Variants in CLINT1 observed in about 807,000 individuals in gnomAD.
CLINT1 encodes clathrin interacting protein localized in the trans-Golgi region.
Under a neutral mutation model 70.4 loss-of-function variants are expected in CLINT1, and 15 were observed. The ratio of observed to expected loss-of-function variants is 0.21; its 90% CI spans 0.14 to 0.33. The LOEUF is 0.33. Among genes scored for constraint, CLINT1 ranks in the 10% least tolerant of loss-of-function variants. The pLI is 1.00. For missense variants in CLINT1, 615 were observed against 778.1 expected, an observed-to-expected ratio of 0.79 and a Z score of 2.49; for synonymous variants, 227 against 254.7, an observed-to-expected ratio of 0.89 and a Z score of 1.04.
chr5:157,858,912 C>A lies in CLINT1; in HGVS notation c.41+18G>T, dbSNP rs768028285. ...TCCCCCACGTGGGCCTCGGCCACAA[C>A]TGCCCCCCGATACTCACGCTTTGTC... is the stretch of plus-strand genomic sequence containing the variant. On this transcript the variant is annotated intron_variant, in intron 1 of 11. Coordinates refer to ENST00000411809, the MANE Select transcript of CLINT1 (RefSeq NM_014666.4). The A allele has an allele frequency of 6.6e-6, 10 of 1,513,186 alleles. No homozygotes were observed. Among genetic ancestry groups the A allele is most frequent in the South Asian group, 1.2e-5 (1 of 82,562 alleles). 93.7% of individuals were successfully genotyped at this position (1,513,186 alleles called of 1,614,324 possible). A position where few individuals can be genotyped will look rare whatever the true frequency, so the allele number is the denominator to read the frequency against.
intron 1 of CLINT1, among the ~76,000 whole-genome samples, chr5:157,848,860 C>T (rs964565946): frequency 1.4e-4 from 22 of 151,920 alleles, no homozygotes; most frequent in African/African-American, 4.3e-4. Context: ...CGGGGTTTCA[C>T]CACGTTGGCC....
chr5:157,838,262 G>A (rs1404149556), intron 1 of CLINT1, among the ~76,000 whole-genome samples: 1 of 151,170 alleles, frequency 6.6e-6, no homozygotes, highest in Non-Finnish European at 1.5e-5. Flanking sequence ...AGCTGGGATT[G>A]CAGGCACCTG....
intron 1 of CLINT1, among the ~76,000 whole-genome samples, chr5:157,838,711 T>C (rs1004544994): frequency 3.3e-5 from 5 of 152,222 alleles, no homozygotes; most frequent in African/African-American, 1.2e-4. Flanking sequence ...GAACTATGAA[T>C]TACAGGTGAA....
rs765337369 is a variant in CLINT1, at chr5:157,813,246, ATAAGCAAAACC to A, written c.353-30_353-20del. On this transcript the variant is annotated intron_variant, in intron 4 of 11. Coordinates refer to ENST00000411809, the MANE Select transcript of CLINT1 (RefSeq NM_014666.4). ...TGCTCATCTATGAGGATGGTAAGAG[ATAAGCAAAACC>A]TAAGAATTCACTTAATATGTATCAA... 3 of 1,595,932 alleles carry A rather than the reference ATAAGCAAAACC, an allele frequency of 1.9e-6. No homozygotes were observed. The highest frequency in any genetic ancestry group is 2.6e-6 in the Non-Finnish European group (3 of 1,171,896).
chr5:157,836,153 T>C (rs917352408), intron 1 of CLINT1, among the ~76,000 whole-genome samples: 90 of 152,226 alleles, frequency 5.9e-4, no homozygotes, highest in African/African-American at 2.1e-3. Flanking sequence ...TCTTCCACAA[T>C]ACAGCCATAT....
chr5:157,824,833 A>G (rs254675), intron 1 of CLINT1, among the ~76,000 whole-genome samples: 61,391 of 152,002 alleles, frequency 0.4, 12,934 homozygotes, highest in East Asian at 0.61. Context: ...ATTATGTCAC[A>G]CTGTACTAAA....
intron 1 of CLINT1, among the ~76,000 whole-genome samples, chr5:157,855,785 A>G (rs1254385241): frequency 2.0e-5 from 3 of 152,100 alleles, no homozygotes; most frequent in Non-Finnish European, 4.4e-5. Context: ...AAATACACAG[A>G]TTAGCTGGGT....
chr5:157,810,275 T>C (rs1002537617), intron 5 of CLINT1, among the ~76,000 whole-genome samples: 1 of 152,216 alleles, frequency 6.6e-6, no homozygotes, highest in African/African-American at 2.4e-5. Context: ...CCAATCTGAA[T>C]GCTACATGTC....
intron 9 of CLINT1, among the ~76,000 whole-genome samples, chr5:157,792,300 G>A (rs1048139034): frequency 6.6e-6 from 1 of 152,006 alleles, no homozygotes; most frequent in Non-Finnish European, 1.5e-5. Context: ...GTAATCCCAG[G>A]ACTTTGGGAG....
intron 1 of CLINT1, among the ~76,000 whole-genome samples, chr5:157,830,123 T>C (rs1763176887): frequency 6.6e-6 from 1 of 151,750 alleles, no homozygotes. Flanking sequence ...AGTTTTTATA[T>C]TTTTTGTAGA....
At chr5:157,817,648 G>A in intron 1 of CLINT1, 101 bp from the exon 2 acceptor site, 3 of 723,848 alleles carry the variant, frequency 4.1e-6, no homozygotes, top group South Asian at 3.3e-5. Context: ...GTCCTAATGA[G>A]CTACCTCTAC....
chr5:157,810,559 T>G (rs374648321), intron 5 of CLINT1, among the ~76,000 whole-genome samples: 125 of 152,280 alleles, frequency 8.2e-4, no homozygotes, highest in African/African-American at 3.0e-3. Context: ...AGAGAATAGA[T>G]CGTGGCAGTA....
chr5:157,849,897 T>C (rs1002931074), intron 1 of CLINT1, among the ~76,000 whole-genome samples: 5 of 152,254 alleles, frequency 3.3e-5, no homozygotes, highest in African/African-American at 1.2e-4. Flanking sequence ...ATAATTGTTC[T>C]AAGAGTTAGT....
chr5:157,841,786 T>C (rs192641573), intron 1 of CLINT1, among the ~76,000 whole-genome samples: 272 of 152,176 alleles, frequency 1.8e-3, no homozygotes, highest in African/African-American at 6.0e-3. Flanking sequence ...ACATAATCTG[T>C]GAGCCTCGCT....
intron 1 of CLINT1, among the ~76,000 whole-genome samples, chr5:157,843,632 T>C (rs1020736228): frequency 1.3e-5 from 2 of 152,186 alleles, no homozygotes; most frequent in African/African-American, 2.4e-5. Flanking sequence ...CCAAGAAATT[T>C]GATCAACTGT....
At chr5:157,792,817 G>C (rs1477875874) in intron 9 of CLINT1, among the ~76,000 whole-genome samples, 5 of 152,126 alleles carry the variant, frequency 3.3e-5, no homozygotes, top group African/African-American at 1.2e-4. Context: ...TATATTGAAA[G>C]GAACAGATAA....
intron 1 of CLINT1, among the ~76,000 whole-genome samples, chr5:157,827,238 C>CCA (rs1454860787): frequency 6.6e-6 from 1 of 152,048 alleles, no homozygotes; most frequent in Admixed American, 6.6e-5. Flanking sequence ...AGTCAACACT[C>CCA]CAAGTTTAGT....
At chr5:157,840,192 C>CAAAAAAAAAAAA (rs57245921) in intron 1 of CLINT1, among the ~76,000 whole-genome samples, 1 of 55,336 alleles carries the variant, frequency 1.8e-5, no homozygotes, top group Non-Finnish European at 2.9e-5. Flanking sequence ...GAGACTGCCT[C>CAAAAAAAAAAAA]AAAAAAAAAA....
chr5:157,811,987 C>T (rs553966991), intron 5 of CLINT1, among the ~76,000 whole-genome samples: 10 of 151,104 alleles, frequency 6.6e-5, no homozygotes, highest in African/African-American at 9.8e-5. Flanking sequence ...AACTTGTGGC[C>T]GACTCTGGTT....
Sources: gnomAD v4.1 joint callset for allele counts (sites outside exome capture counted in the v4.1 genomes callset) on GRCh38, gnomAD v4.1.1 for gene constraint, MANE v1.5 for transcripts, NCBI Gene and HGNC (gene_info 2026-07-23, HGNC 2026-07-21) for gene names.